The following CNTNAP5 variants were observed in gnomAD, a reference collection of about 807,000 sequenced individuals.
CNTNAP5 encodes contactin-associated protein-like 5.
CNTNAP5 carries 72 observed loss-of-function variants against 150.2 expected under a neutral mutation model. The ratio of observed to expected loss-of-function variants is 0.48; its 90% CI spans 0.40 to 0.58. The LOEUF is 0.58. CNTNAP5 is among the 20% of genes least tolerant of loss of function. CNTNAP5 has a pLI of 0.00. For missense variants in CNTNAP5, 1,636 were observed against 1,626.2 expected, an observed-to-expected ratio of 1.01 and a Z score of -0.10; for synonymous variants, 672 against 619.8, an observed-to-expected ratio of 1.08 and a Z score of -1.25.
chr2:124,101,937 G>T (rs772786514), intron 1 of CNTNAP5, among the ~76,000 whole-genome samples: 1 of 152,090 alleles, frequency 6.6e-6, no homozygotes, highest in Non-Finnish European at 1.5e-5. Context: ...AGCCGTAGCC[G>T]CCTGGTGCCT....
At chr2:124,289,262 C>T (rs1165716519) in intron 3 of CNTNAP5, among the ~76,000 whole-genome samples, 2 of 152,170 alleles carry the variant, frequency 1.3e-5, no homozygotes, top group Admixed American at 6.5e-5. Flanking sequence ...CCAAAGTTAA[C>T]CTTCACTGTA....
intron 7 of CNTNAP5, among the ~76,000 whole-genome samples, chr2:124,477,454 T>C (rs1343265935): frequency 6.6e-6 from 1 of 152,096 alleles, no homozygotes; most frequent in Non-Finnish European, 1.5e-5. Context: ...AAAAGGTTTG[T>C]GTCAAGTCCC....
chr2:124,657,027 T>C (rs115646565), intron 13 of CNTNAP5, among the ~76,000 whole-genome samples: 62 of 152,352 alleles, frequency 4.1e-4, no homozygotes, highest in African/African-American at 1.5e-3. Flanking sequence ...GTAGGCCCTC[T>C]GGACACTGCT....
At chr2:124,116,233 C>G (rs1157979188) in intron 1 of CNTNAP5, among the ~76,000 whole-genome samples, 1 of 152,118 alleles carries the variant, frequency 6.6e-6, no homozygotes, top group African/African-American at 2.4e-5. Context: ...CCACTTAGTA[C>G]AGAGATAAAG....
chr2:124,713,241 TTCTCTTTCTTTCTTTCTTTC>T lies in CNTNAP5; in HGVS notation c.2078-33986_2078-33967del, dbSNP rs1489182635. Among the ~76,000 whole-genome samples the T allele has an allele frequency of 2.6e-3, 143 of 56,018 alleles. 13 individuals are homozygous for T. In the East Asian group the frequency reaches 0.031, roughly 12 times the overall value. The allele number at this position is 56,018 out of a possible 152,430, so 36.7% of individuals were successfully genotyped here. On this transcript the variant is annotated intron_variant, in intron 13 of 23. Transcript: ENST00000682447. ...TCTGTTTCTTTCTTTCTTTCTTTCT[TTCTCTTTCTTTCTTTCTTTC>T]TTTCTTTCTTTCTTTCTTTCTTTCT...
At chr2:124,561,924 G>A (rs373614704) in intron 10 of CNTNAP5, among the ~76,000 whole-genome samples, 2 of 151,766 alleles carry the variant, frequency 1.3e-5, no homozygotes, top group African/African-American at 4.8e-5. Context: ...TTTTAAATTC[G>A]CGGAATTTAT....
intron 11 of CNTNAP5, among the ~76,000 whole-genome samples, chr2:124,575,221 T>C (rs1428306729): frequency 6.6e-6 from 1 of 152,204 alleles, no homozygotes; most frequent in African/African-American, 2.4e-5. Flanking sequence ...TGTGACTCTT[T>C]CCAAGATTCT....
At chr2:124,161,497 A>G (rs1340786101) in intron 1 of CNTNAP5, among the ~76,000 whole-genome samples, 1 of 152,200 alleles carries the variant, frequency 6.6e-6, no homozygotes, top group Non-Finnish European at 1.5e-5. Flanking sequence ...CCTAGAGGCT[A>G]TTAGCAGTCA....
intron 3 of CNTNAP5, among the ~76,000 whole-genome samples, chr2:124,251,517 A>T (rs117370154): frequency 6.6e-6 from 1 of 150,876 alleles, no homozygotes; most frequent in Non-Finnish European, 1.5e-5. Flanking sequence ...CTTGCAAAAA[A>T]TCTCCCCAAA....
intron 14 of CNTNAP5, among the ~76,000 whole-genome samples, chr2:124,748,386 C>G (rs1467080780): frequency 2.6e-5 from 4 of 152,240 alleles, no homozygotes; most frequent in African/African-American, 9.6e-5. Context: ...TTTGAAGCTT[C>G]CATGCCCATT....
intron 3 of CNTNAP5, among the ~76,000 whole-genome samples, chr2:124,320,619 G>T (rs1689076174): frequency 6.6e-6 from 1 of 151,710 alleles, no homozygotes; most frequent in South Asian, 2.1e-4. Context: ...AGCTTTCTGT[G>T]CACCAAAAGA....
chr2:124,659,450 C>T (rs1417822383), intron 13 of CNTNAP5, among the ~76,000 whole-genome samples: 1 of 152,156 alleles, frequency 6.6e-6, no homozygotes, highest in Non-Finnish European at 1.5e-5. Context: ...AAAATAAACA[C>T]AACATAATTC....
chr2:124,802,907 G>A (rs759353284), intron 19 of CNTNAP5, among the ~76,000 whole-genome samples: 2 of 152,038 alleles, frequency 1.3e-5, no homozygotes, highest in South Asian at 4.2e-4. Flanking sequence ...GGCAGATCAC[G>A]AGGTCAGGAG....
chr2:124,494,997 C>T (rs1417373081), intron 7 of CNTNAP5, among the ~76,000 whole-genome samples: 1 of 151,994 alleles, frequency 6.6e-6, no homozygotes, highest in Non-Finnish European at 1.5e-5. Flanking sequence ...AATTCCACCA[C>T]CCAGAAAGAG....
chr2:124,094,317 T>G (rs1400033776), intron 1 of CNTNAP5, among the ~76,000 whole-genome samples: 2 of 152,242 alleles, frequency 1.3e-5, no homozygotes, highest in Non-Finnish European at 2.9e-5. Context: ...TCCAAAATTA[T>G]ACGATTTGGA....
chr2:124,068,291 G>C (rs1682214549), intron 1 of CNTNAP5, among the ~76,000 whole-genome samples: 1 of 152,148 alleles, frequency 6.6e-6, no homozygotes, highest in Non-Finnish European at 1.5e-5. Flanking sequence ...CAGGGAGACA[G>C]AGCGCAGCAA....
intron 1 of CNTNAP5, among the ~76,000 whole-genome samples, chr2:124,146,143 G>C (rs1466502754): frequency 6.6e-6 from 1 of 152,144 alleles, no homozygotes; most frequent in Non-Finnish European, 1.5e-5. Context: ...AGGTGTTTGA[G>C]GCCAGGAGCT....
At chr2:124,419,997 T>C (rs1344999989) in intron 4 of CNTNAP5, among the ~76,000 whole-genome samples, 6 of 137,190 alleles carry the variant, frequency 4.4e-5, no homozygotes, top group Non-Finnish European at 6.3e-5. Flanking sequence ...TCTTTTTTTT[T>C]TTTTTTTTTT....
At chr2:124,178,177 T>A (rs998756130) in intron 1 of CNTNAP5, among the ~76,000 whole-genome samples, 3 of 152,168 alleles carry the variant, frequency 2.0e-5, no homozygotes, top group African/African-American at 7.2e-5. Flanking sequence ...TTTGTGTTCT[T>A]CAGCATCCCT....
Sources: allele counts gnomAD v4.1 joint callset (sites outside exome capture counted in the v4.1 genomes callset), GRCh38; gene constraint gnomAD v4.1.1; transcripts MANE v1.5; gene names NCBI Gene and HGNC (gene_info 2026-07-23, HGNC 2026-07-21).